The following CALN1 variants were observed in gnomAD, a reference collection of about 807,000 sequenced individuals.
The protein encoded by CALN1 is calneuron 1, also known as calcium-binding protein 8.
A neutral mutation model predicts 30.6 loss-of-function variants in CALN1; 17 were observed. The ratio of observed to expected loss-of-function variants is 0.56; its 90% CI spans 0.38 to 0.83. The LOEUF (loss-of-function observed/expected upper bound fraction) is 0.83. Ranked by LOEUF, CALN1 falls within the 40% of genes least tolerant of loss-of-function variation. The pLI, the probability that CALN1 is intolerant of heterozygous loss-of-function variation, is 0.00. For synonymous variants in CALN1, 156 were observed against 131.4 expected (o/e 1.19, Z -1.28); for missense variants, 291 against 354.9 (o/e 0.82, Z 1.45).
At chr7:71,829,225 T>C (rs188285798) in intron 5 of CALN1, among the ~76,000 whole-genome samples, 51 of 152,248 alleles carry the variant, frequency 3.3e-4, no homozygotes, top group African/African-American at 1.2e-3. Flanking sequence ...CAACCCTAAA[T>C]GTAATCATGT....
At chr7:72,081,575 AC>A (rs1398961353) in intron 4 of CALN1, among the ~76,000 whole-genome samples, 1 of 151,948 alleles carries the variant, frequency 6.6e-6, no homozygotes, top group Non-Finnish European at 1.5e-5. Context: ...GGTGTGCACC[AC>A]CATGCCGAGC....
chr7:72,011,889 C>T (rs1483620411), intron 5 of CALN1, among the ~76,000 whole-genome samples: 1 of 152,152 alleles, frequency 6.6e-6, no homozygotes, highest in Non-Finnish European at 1.5e-5. Flanking sequence ...AGTTCTCAGC[C>T]TCTCCAAGTG....
chr7:71,858,268 C>T (rs1327459959), intron 5 of CALN1, among the ~76,000 whole-genome samples: 2 of 152,166 alleles, frequency 1.3e-5, no homozygotes, highest in Non-Finnish European at 2.9e-5. Flanking sequence ...TTTGCTTCAT[C>T]TCCTGCCGTG....
intron 2 of CALN1, among the ~76,000 whole-genome samples, chr7:72,338,243 G>A (rs967100620): frequency 2.0e-5 from 3 of 151,984 alleles, no homozygotes; most frequent in Non-Finnish European, 2.9e-5. Flanking sequence ...CTCCTCTCCC[G>A]GGTCCCCAGT....
intron 5 of CALN1, among the ~76,000 whole-genome samples, chr7:71,926,354 C>A (rs1795271622): frequency 6.6e-6 from 1 of 152,194 alleles, no homozygotes; most frequent in Non-Finnish European, 1.5e-5. Flanking sequence ...CTATTGCTTG[C>A]CCAGCAACTC....
chr7:71,927,017 T>C (rs551414201), intron 5 of CALN1, among the ~76,000 whole-genome samples: 3 of 152,344 alleles, frequency 2.0e-5, no homozygotes, highest in South Asian at 2.1e-4. Flanking sequence ...GACAGTGAGT[T>C]GTTCTGTCTT....
intron 5 of CALN1, among the ~76,000 whole-genome samples, chr7:71,825,146 C>T (rs147200849): frequency 3.7e-4 from 56 of 152,216 alleles, no homozygotes; most frequent in Non-Finnish European, 7.4e-4. Context: ...CAACCTCCCA[C>T]GGGGGTCCAG....
At chr7:71,955,238 C>A (rs888089924) in intron 5 of CALN1, among the ~76,000 whole-genome samples, 1 of 152,066 alleles carries the variant, frequency 6.6e-6, no homozygotes, top group Non-Finnish European at 1.5e-5. Context: ...TTCACTACCA[C>A]GAGAACAGTA....
Position 72,234,835 on chromosome 7 carries a change from G to A in CALN1, c.244+43851C>T, listed in dbSNP as rs181866831. Among the ~76,000 whole-genome samples the A allele has an allele frequency of 3.6e-3, 543 of 152,252 alleles. 1 individual carries two copies. The highest frequency in any genetic ancestry group is 6.8e-3 in the Middle Eastern group (2 of 294). ...GTATGTTCTCCAGATGCTGGATCTC[G>A]GTAGATATCCCCTAAGTACTTAATT... On this transcript the variant is annotated intron_variant, in intron 3 of 6. Coordinates refer to ENST00000395275, the MANE Select transcript of CALN1 (RefSeq NM_031468.4).
intron 5 of CALN1, among the ~76,000 whole-genome samples, chr7:71,924,866 T>C (rs1034000261): frequency 6.6e-6 from 1 of 152,238 alleles, no homozygotes; most frequent in African/African-American, 2.4e-5. Flanking sequence ...TTGCTTTAAA[T>C]AATTGCTTTA....
chr7:72,108,804 G>C (rs1217996502), intron 3 of CALN1, among the ~76,000 whole-genome samples: 1 of 152,204 alleles, frequency 6.6e-6, no homozygotes, highest in Admixed American at 6.5e-5. Context: ...TGACAAGCTA[G>C]ATATATCAGC....
chr7:72,347,927 T>C (rs1309997424), intron 2 of CALN1, among the ~76,000 whole-genome samples: 1 of 151,940 alleles, frequency 6.6e-6, no homozygotes, highest in South Asian at 2.1e-4. Context: ...GGTCAGGAGT[T>C]TGAGACCAGC....
chr7:72,358,405 T>G (rs903189304), intron 2 of CALN1, among the ~76,000 whole-genome samples: 1 of 152,068 alleles, frequency 6.6e-6, no homozygotes, highest in African/African-American at 2.4e-5. Flanking sequence ...GGAAAAGGAC[T>G]GTTAGATACA....
At chr7:72,430,638 G>A (rs1430598583) in intron 1 of CALN1, among the ~76,000 whole-genome samples, 1 of 152,090 alleles carries the variant, frequency 6.6e-6, no homozygotes, top group Non-Finnish European at 1.5e-5. Context: ...CCACCTGTAG[G>A]GCGCATGCAC....
chr7:71,939,717 C>T (rs1227940826), intron 5 of CALN1, among the ~76,000 whole-genome samples: 1 of 152,132 alleles, frequency 6.6e-6, no homozygotes, highest in East Asian at 1.9e-4. Context: ...GGGATTCACA[C>T]TGTGATCTGA....
intron 4 of CALN1, among the ~76,000 whole-genome samples, chr7:72,028,672 G>A (rs183943550): frequency 5.6e-4 from 86 of 152,234 alleles, no homozygotes; most frequent in African/African-American, 1.8e-3. Context: ...TATGTTTTTC[G>A]CTTGTGATAC....
intron 4 of CALN1, among the ~76,000 whole-genome samples, chr7:72,029,222 GTTCACGCCATTC>G (rs1445771280): frequency 1.3e-5 from 2 of 151,948 alleles, no homozygotes; most frequent in Non-Finnish European, 2.9e-5. Flanking sequence ...CGCCTCCCGG[GTTCACGCCATTC>G]TCCTGCCTCA....
chr7:72,408,858 T>G (rs1315734805), intron 1 of CALN1, among the ~76,000 whole-genome samples: 2 of 151,296 alleles, frequency 1.3e-5, no homozygotes, highest in Non-Finnish European at 2.9e-5. Context: ...TTGTATTTTT[T>G]GTAGAGATGC....
intron 4 of CALN1, among the ~76,000 whole-genome samples, chr7:72,078,148 T>C (rs1407918340): frequency 6.6e-6 from 1 of 152,076 alleles, no homozygotes; most frequent in Non-Finnish European, 1.5e-5. Flanking sequence ...CGAGGAGTGG[T>C]GTGTTAGAAA....
Sources: gnomAD v4.1 joint callset for allele counts (sites outside exome capture counted in the v4.1 genomes callset) on GRCh38, gnomAD v4.1.1 for gene constraint, MANE v1.5 for transcripts, NCBI Gene and HGNC (gene_info 2026-07-23, HGNC 2026-07-21) for gene names.